CARF: variants seen among roughly 807,000 people sequenced by gnomAD.
CARF encodes calcium-responsive transcription factor.
Under a neutral mutation model 82.0 loss-of-function variants are expected in CARF, and 57 were observed. The observed-to-expected ratio is 0.70, with a 90% CI of 0.56 to 0.87. CARF has a LOEUF of 0.87. CARF is among the 40% of genes least tolerant of loss of function. The probability of loss-of-function intolerance (pLI) is 0.00; values close to 1 mark genes in which losing one functional copy is unlikely to be tolerated. For missense variants in CARF, 771 were observed against 855.8 expected (o/e 0.90, Z 1.24); for synonymous variants, 268 against 290.1 (o/e 0.92, Z 0.77).
In CARF at chr2:202,987,390, CT is replaced by C. The variant is rs2060483508; in HGVS notation, c.*3767del. Among the ~76,000 whole-genome samples, 1 of 151,832 alleles carries C rather than the reference CT, an allele frequency of 6.6e-6. No homozygotes were observed. Among genetic ancestry groups the C allele is most frequent in the African/African-American group, 2.4e-5 (1 of 41,316 alleles). On this transcript the variant is annotated 3_prime_UTR_variant, in exon 17 of 17. Transcript: ENST00000438828. ...TTTTAAACTTTATTCCACTCTGTAC[CT>C]ATTTTTGAGGACCTTGAAAATCTTA...
At chr2:202,956,624 C>T (rs1244865895) in intron 8 of CARF, among the ~76,000 whole-genome samples, 1 of 152,018 alleles carries the variant, frequency 6.6e-6, no homozygotes, top group Non-Finnish European at 1.5e-5. Flanking sequence ...AATTTCACCT[C>T]AAATTCACCA....
chr2:202,914,612 C>T (rs1031133368), intron 1 of CARF, among the ~76,000 whole-genome samples: 8 of 151,958 alleles, frequency 5.3e-5, no homozygotes, highest in Non-Finnish European at 1.2e-4. Context: ...AACCCCGTCT[C>T]TGCTAAAAAT....
At chr2:202,978,141 C>T (rs1303344408) in intron 14 of CARF, among the ~76,000 whole-genome samples, 5 of 152,188 alleles carry the variant, frequency 3.3e-5, no homozygotes, top group African/African-American at 7.2e-5. Context: ...CCACTGCACC[C>T]GGCCAAACCT....
At chr2:202,958,903 CAA>C (rs36028794) in intron 8 of CARF, among the ~76,000 whole-genome samples, 30 of 88,972 alleles carry the variant, frequency 3.4e-4, no homozygotes, top group African/African-American at 4.3e-4. Flanking sequence ...GACTCCGTCT[CAA>C]AAAAAAAAAA....
chr2:202,970,047 CTGG>C lies in CARF; in HGVS notation c.1088_1090del (p.Gly363del). On this transcript the variant is annotated inframe_deletion, in exon 11 of 17. Transcript: ENST00000438828. Reference sequence around the variant, plus strand: ...ATGCTAAAGAAGAACTTGGTAGATGCTGGTGGTGTTCTTAGGTATGACATTTTT... The same window carrying C: ...ATGCTAAAGAAGAACTTGGTAGATGCTGGTGTTCTTAGGTATGACATTTTT... The C allele has an allele frequency of 2.6e-6, 4 of 1,567,630 alleles. No homozygotes were observed. Among genetic ancestry groups the C allele is most frequent in the Non-Finnish European group, 3.4e-6 (4 of 1,166,464 alleles).
At chr2:202,919,735 T>A (rs1690428709) in intron 2 of CARF, among the ~76,000 whole-genome samples, 1 of 152,194 alleles carries the variant, frequency 6.6e-6, no homozygotes, top group Non-Finnish European at 1.5e-5. Flanking sequence ...GAAGAGAGCT[T>A]TGTTTATTGG....
chr2:202,918,072 C>T (rs1237184663), intron 2 of CARF, 29 bp downstream of exon 2: 1 of 443,182 alleles, frequency 2.3e-6, no homozygotes, highest in East Asian at 7.1e-5. Flanking sequence ...TTGAAAGTAA[C>T]AACTTTATTT....
chr2:202,975,722 C>T (rs182653963), intron 13 of CARF, among the ~76,000 whole-genome samples: 1 of 152,156 alleles, frequency 6.6e-6, no homozygotes, highest in Non-Finnish European at 1.5e-5. Context: ...TATTTCCCCT[C>T]CCTTTTTTAA....
chr2:202,916,160 T>C (rs1255913298), intron 1 of CARF, among the ~76,000 whole-genome samples: 2 of 111,128 alleles, frequency 1.8e-5, no homozygotes, highest in African/African-American at 6.2e-5. Flanking sequence ...TTTTGAGCAA[T>C]ATTTTATTTA....
rs34656288 is a variant in CARF, at chr2:202,980,616, GTATATATATATATA to G, written c.1559-906_1559-893del. Among the ~76,000 whole-genome samples, 114 of 42,664 alleles carry G rather than the reference GTATATATATATATA, an allele frequency of 2.7e-3. 2 individuals are homozygous for G. The highest frequency in any genetic ancestry group is 6.8e-3 in the African/African-American group (41 of 6,054). The allele number at this position is 42,664 out of a possible 152,430, so 28.0% of individuals were successfully genotyped here. A position where few individuals can be genotyped will look rare whatever the true frequency, so the allele number is the denominator to read the frequency against. On this transcript the variant is annotated intron_variant, in intron 14 of 16. Coordinates refer to ENST00000438828, the MANE Select transcript of CARF (RefSeq NM_024744.17). ...GAGTTACAGATATAGCGTCTTTCAA[GTATATATATATATA>G]TATATATATATATATATATATATAT...
chr2:202,915,958 T>A (rs896354234), intron 1 of CARF, among the ~76,000 whole-genome samples: 1 of 152,110 alleles, frequency 6.6e-6, no homozygotes, highest in Non-Finnish European at 1.5e-5. Context: ...TTGCATGCAT[T>A]TAAAAGTTCG....
At chr2:202,916,607 C>T (rs984930340) in intron 1 of CARF, among the ~76,000 whole-genome samples, 2 of 152,158 alleles carry the variant, frequency 1.3e-5, no homozygotes, top group Non-Finnish European at 2.9e-5. Context: ...AAGCTGCTTT[C>T]TCTTTAATTA....
Position 202,919,855 on chromosome 2 carries a change from T to G in CARF, c.-163+1812T>G, listed in dbSNP as rs77321567. ...ATATTTGTAATCTTGGGAAAGTTAC[T>G]TATCTGCCTATCCTATATGTAAATT... On this transcript the variant is annotated intron_variant, in intron 2 of 16. Coordinates refer to ENST00000438828, the MANE Select transcript of CARF (RefSeq NM_024744.17). Among the ~76,000 whole-genome samples the G allele has an allele frequency of 1.1e-3, 172 of 152,328 alleles. 6 individuals carry two copies. The East Asian group carries it at 0.032, about 29-fold the overall frequency.
chr2:202,973,159 A>G (rs2059875599), intron 12 of CARF, among the ~76,000 whole-genome samples: 1 of 152,146 alleles, frequency 6.6e-6, no homozygotes, highest in Non-Finnish European at 1.5e-5. Context: ...AATGATGTTA[A>G]CTGAGAGCTT....
At chr2:202,963,822 T>C (rs938714497) in intron 9 of CARF, among the ~76,000 whole-genome samples, 6 of 152,160 alleles carry the variant, frequency 3.9e-5, no homozygotes, top group Non-Finnish European at 7.4e-5. Flanking sequence ...GAGAATCTAA[T>C]GCTGCCACTG....
At chr2:202,915,381 T>G (rs138007589) in intron 1 of CARF, among the ~76,000 whole-genome samples, 1,658 of 152,228 alleles carry the variant, frequency 0.011, 31 homozygotes, top group African/African-American at 0.037. Flanking sequence ...CTGCAACCTC[T>G]GCCTTCCAGG....
chr2:202,941,491 T>C (rs1191922999), intron 3 of CARF, among the ~76,000 whole-genome samples: 2 of 152,190 alleles, frequency 1.3e-5, no homozygotes, highest in Non-Finnish European at 2.9e-5. Context: ...CAATAGGGCA[T>C]ACCCAACTCA....
intron 3 of CARF, among the ~76,000 whole-genome samples, chr2:202,937,671 C>A (rs538600716): frequency 6.6e-6 from 1 of 151,942 alleles, no homozygotes; most frequent in Non-Finnish European, 1.5e-5. Context: ...GTTGCCCAGG[C>A]TAGAGTGCAG....
intron 8 of CARF, 95 bp downstream of exon 8, chr2:202,955,853 A>G (rs2059011797): frequency 6.9e-6 from 5 of 727,636 alleles, no homozygotes; most frequent in Admixed American, 5.5e-5. Context: ...AATATAGTCT[A>G]TAGTTACAGT....
Sources: allele counts gnomAD v4.1 joint callset (sites outside exome capture counted in the v4.1 genomes callset), GRCh38; gene constraint gnomAD v4.1.1; transcripts MANE v1.5; gene names NCBI Gene and HGNC (gene_info 2026-07-23, HGNC 2026-07-21).